GBE1: variants seen among roughly 807,000 people sequenced by gnomAD.
The protein encoded by GBE1 is 1,4-alpha-glucan-branching enzyme.
In GBE1, 70 loss-of-function variants were observed where a neutral mutation model predicts 88.8. The observed-to-expected ratio is 0.79, with a 90% CI of 0.65 to 0.96. GBE1 has a LOEUF of 0.96. GBE1 is among the 40% of genes least tolerant of loss of function. GBE1 has a pLI of 0.00. For synonymous variants in GBE1, 284 were observed against 300.1 expected (o/e 0.95, Z 0.56); for missense variants, 872 against 871.0 (o/e 1.00, Z -0.01).
At chr3:81,562,803 T>C (rs1420702523) in intron 12 of GBE1, among the ~76,000 whole-genome samples, 3 of 151,722 alleles carry the variant, frequency 2.0e-5, no homozygotes, top group Non-Finnish European at 4.4e-5. Context: ...ACTAACTGTA[T>C]TTTCTAAGTA....
rs550929089 is a variant in GBE1 at position 81,519,998 on chromosome 3, T to TAC, written c.1934+15195_1934+15196dup. The stretch of plus-strand genomic sequence containing the variant: ...GCTACCACCCCCAACCACATGTACA[T>TAC]ACTCCAGGAACAGAAAGAGGCACCA... On this transcript the variant is annotated intron_variant, in intron 14 of 15. Coordinates refer to ENST00000429644, the MANE Select transcript of GBE1 (RefSeq NM_000158.4). 2.4e-3 allele frequency among the ~76,000 whole-genome samples: 357 copies of TAC among 151,600 alleles called. 2 individuals carry two copies. The highest frequency in any genetic ancestry group is 8.2e-3 in the African/African-American group (341 of 41,428).
At chr3:81,714,279 T>C (rs936499905) in intron 1 of GBE1, among the ~76,000 whole-genome samples, 13 of 152,166 alleles carry the variant, frequency 8.5e-5, no homozygotes, top group Non-Finnish European at 1.9e-4. Flanking sequence ...TGGTTAGAGT[T>C]AGGTTTAAGA....
At chr3:81,577,666 T>G (rs527902631) in intron 12 of GBE1, among the ~76,000 whole-genome samples, 8 of 152,282 alleles carry the variant, frequency 5.3e-5, no homozygotes, top group Admixed American at 3.9e-4. Flanking sequence ...TTCCGGATGT[T>G]AAAAACAGGT....
At chr3:81,747,116 A>G (rs1013302417) in intron 1 of GBE1, among the ~76,000 whole-genome samples, 1 of 152,182 alleles carries the variant, frequency 6.6e-6, no homozygotes, top group African/African-American at 2.4e-5. Flanking sequence ...TAAATGTAAT[A>G]TGTAAAACAA....
chr3:81,596,915 G>A (rs1335594433), intron 7 of GBE1, among the ~76,000 whole-genome samples: 1 of 151,858 alleles, frequency 6.6e-6, no homozygotes, highest in African/African-American at 2.4e-5. Flanking sequence ...TGAAAATACT[G>A]ATTTCTGAAA....
intron 3 of GBE1, among the ~76,000 whole-genome samples, chr3:81,667,199 T>C (rs895550040): frequency 5.3e-5 from 8 of 152,180 alleles, no homozygotes; most frequent in Non-Finnish European, 1.5e-5. Context: ...TTTATTCTCT[T>C]TGTAGCAATT....
intron 14 of GBE1, among the ~76,000 whole-genome samples, chr3:81,526,706 A>C (rs1330331627): frequency 1.3e-5 from 2 of 152,144 alleles, no homozygotes; most frequent in African/African-American, 4.8e-5. Flanking sequence ...ACCACTGCTC[A>C]ATGAAATAAA....
chr3:81,743,729 TTTTTG>T, intron 1 of GBE1: 1 of 757,194 alleles, frequency 1.3e-6, no homozygotes, highest in East Asian at 3.0e-5. Flanking sequence ...CTGGCCCATG[TTTTTG>T]TTTTGTGTTG....
intron 1 of GBE1, chr3:81,743,500 C>A (rs554711050): frequency 8.8e-7 from 1 of 1,132,672 alleles, no homozygotes; most frequent in Admixed American, 2.0e-5. Context: ...TCTTTCCAAC[C>A]CCCCTCTCTT....
At chr3:81,744,750 C>T (rs1706399392) in intron 1 of GBE1, among the ~76,000 whole-genome samples, 1 of 152,148 alleles carries the variant, frequency 6.6e-6, no homozygotes, top group Non-Finnish European at 1.5e-5. Context: ...ACCAATTTTG[C>T]AAGTAAACTT....
chr3:81,720,226 T>A (rs1706003183), intron 1 of GBE1, among the ~76,000 whole-genome samples: 1 of 152,012 alleles, frequency 6.6e-6, no homozygotes, highest in African/African-American at 2.4e-5. Context: ...ATTGGCAAGA[T>A]CTCTTTTAAT....
At chr3:81,727,981 T>C (rs574961606) in intron 1 of GBE1, among the ~76,000 whole-genome samples, 1 of 152,194 alleles carries the variant, frequency 6.6e-6, no homozygotes, top group South Asian at 2.1e-4. Context: ...AATCAAATTA[T>C]ATAATTATAT....
intron 14 of GBE1, among the ~76,000 whole-genome samples, chr3:81,505,168 T>A (rs574213058): frequency 2.5e-4 from 38 of 152,358 alleles, no homozygotes; most frequent in African/African-American, 8.7e-4. Flanking sequence ...GTTTTTGGAA[T>A]ATGAATTTAG....
At chr3:81,761,302 G>T (rs1706681112) in intron 1 of GBE1, 73 bp downstream of exon 1, 3 of 1,518,830 alleles carry the variant, frequency 2.0e-6, no homozygotes, top group African/African-American at 1.4e-5. Flanking sequence ...GCCGAGGGGC[G>T]GCCCGTGTCC....
chr3:81,560,531 T>C (rs1419266389), intron 12 of GBE1, among the ~76,000 whole-genome samples: 1 of 151,996 alleles, frequency 6.6e-6, no homozygotes. Context: ...AAAAACATGA[T>C]GTATAAAAGA....
At chr3:81,681,035 C>T (rs151133427) in intron 2 of GBE1, among the ~76,000 whole-genome samples, 13 of 152,326 alleles carry the variant, frequency 8.5e-5, no homozygotes, top group African/African-American at 2.9e-4. Context: ...CTGAACCTGA[C>T]TATCCTTTCA....
At chr3:81,702,121 GT>G (rs1705702238) in intron 2 of GBE1, among the ~76,000 whole-genome samples, 1 of 138,480 alleles carries the variant, frequency 7.2e-6, no homozygotes, top group Non-Finnish European at 1.6e-5. Context: ...GTGTGTGTGT[GT>G]GTGTGTGTGT....
chr3:81,673,825 C>T (rs1705220583), intron 2 of GBE1, among the ~76,000 whole-genome samples: 2 of 151,706 alleles, frequency 1.3e-5, no homozygotes, highest in African/African-American at 2.4e-5. Flanking sequence ...TAGTAATGCC[C>T]CTTTCCTCAT....
chr3:81,687,870 A>G (rs961507580), intron 2 of GBE1, among the ~76,000 whole-genome samples: 1 of 152,210 alleles, frequency 6.6e-6, no homozygotes, highest in Admixed American at 6.5e-5. Flanking sequence ...CGCCCCATTC[A>G]GTCTGGAGTA....
Sources: gnomAD v4.1 joint callset for allele counts (sites outside exome capture counted in the v4.1 genomes callset) on GRCh38, gnomAD v4.1.1 for gene constraint, MANE v1.5 for transcripts, NCBI Gene and HGNC (gene_info 2026-07-23, HGNC 2026-07-21) for gene names.